FANCC: variants seen among roughly 807,000 people sequenced by gnomAD.
FANCC encodes FA complementation group C.
In FANCC, 55 loss-of-function variants were observed where a neutral mutation model predicts 71.3. That is an observed-to-expected ratio of 0.77 (90% CI 0.62 to 0.97). The LOEUF (loss-of-function observed/expected upper bound fraction) is 0.97. Among genes scored for constraint, FANCC ranks in the 50% least tolerant of loss-of-function variants. FANCC has a pLI of 0.00. For missense variants in FANCC, 678 were observed against 670.9 expected, an observed-to-expected ratio of 1.01 and a Z score of -0.12; for synonymous variants, 275 against 244.9, an observed-to-expected ratio of 1.12 and a Z score of -1.15.
intron 3 of FANCC, among the ~76,000 whole-genome samples, chr9:95,246,518 A>G (rs1395601728): frequency 2.6e-5 from 4 of 152,250 alleles, no homozygotes; most frequent in Admixed American, 2.6e-4. Flanking sequence ...TAAATATTAC[A>G]TTAGCTAATA....
intron 7 of FANCC, among the ~76,000 whole-genome samples, chr9:95,137,908 G>C (rs1008950977): frequency 6.6e-6 from 1 of 152,264 alleles, no homozygotes; most frequent in Non-Finnish European, 1.5e-5. Flanking sequence ...AGAGAGAGGA[G>C]AGGAGTGGAG....
chr9:95,269,063 CTT>C (rs1007527385), intron 1 of FANCC, among the ~76,000 whole-genome samples: 1 of 152,132 alleles, frequency 6.6e-6, no homozygotes, highest in African/African-American at 2.4e-5. Context: ...GGCTGTGTCT[CTT>C]TCTTTTAAAA....
chr9:95,118,746 C>T (rs1779234416), intron 10 of FANCC, among the ~76,000 whole-genome samples: 1 of 152,176 alleles, frequency 6.6e-6, no homozygotes, highest in Admixed American at 6.5e-5. Context: ...GCGAGTAGAT[C>T]ATTCTGTTTT....
chr9:95,267,245 C>T (rs1394698977), intron 1 of FANCC, among the ~76,000 whole-genome samples: 1 of 152,166 alleles, frequency 6.6e-6, no homozygotes, highest in African/African-American at 2.4e-5. Context: ...TAGAGCCCTA[C>T]CCCTCCATGC....
chr9:95,215,994 T>A (rs1828841443), intron 4 of FANCC, among the ~76,000 whole-genome samples: 1 of 152,232 alleles, frequency 6.6e-6, no homozygotes, highest in Non-Finnish European at 1.5e-5. Flanking sequence ...ATTAAAGATT[T>A]AAACCAGCCA....
At chr9:95,111,397 C>T in intron 13 of FANCC, 66 bp downstream of exon 13, 1 of 1,597,424 alleles carries the variant, frequency 6.3e-7, no homozygotes, top group Non-Finnish European at 8.5e-7. Context: ...CAGAGCCCCT[C>T]TCTGCAAGCT....
At chr9:95,163,836 C>T (rs544491277) in intron 6 of FANCC, among the ~76,000 whole-genome samples, 4 of 152,106 alleles carry the variant, frequency 2.6e-5, no homozygotes, top group Middle Eastern at 3.2e-3. Context: ...GCAACAAGAG[C>T]GAAACTCCAT....
chr9:95,173,201 T>C (rs1371940930), intron 4 of FANCC, among the ~76,000 whole-genome samples: 2 of 152,176 alleles, frequency 1.3e-5, no homozygotes, highest in African/African-American at 2.4e-5. Flanking sequence ...CTATGAAACA[T>C]GTACTCTGTG....
rs375771239 is a variant in FANCC, at chr9:95,287,724, C to A, written c.-79+29802G>T. ...TTTAATATGAAATTACATAATTTCC[C>A]AAGTGGAAACCATTCAAATTGCTCT... On this transcript the variant is annotated intron_variant, in intron 1 of 14. Transcript: ENST00000289081. 6.6e-5 allele frequency among the ~76,000 whole-genome samples: 10 copies of A among 152,294 alleles called. No individual in the cohort carries two copies. In the South Asian group the frequency reaches 2.1e-3, roughly 32 times the overall value.
intron 4 of FANCC, among the ~76,000 whole-genome samples, chr9:95,194,157 A>G (rs544787866): frequency 6.6e-6 from 1 of 152,276 alleles, no homozygotes; most frequent in South Asian, 2.1e-4. Flanking sequence ...AACTAGATTA[A>G]TTAAATTTCG....
At chr9:95,140,180 C>G (rs970974893) in intron 7 of FANCC, among the ~76,000 whole-genome samples, 4 of 152,066 alleles carry the variant, frequency 2.6e-5, no homozygotes, top group African/African-American at 9.7e-5. Flanking sequence ...ACTATTTTCT[C>G]CTTTAAAATA....
chr9:95,260,213 C>T (rs979923487), intron 1 of FANCC, among the ~76,000 whole-genome samples: 12 of 152,098 alleles, frequency 7.9e-5, no homozygotes, highest in Non-Finnish European at 5.9e-5. Context: ...TATAAATCAT[C>T]CTGCTATATA....
chr9:95,232,770 G>T (rs1830087733), intron 4 of FANCC, among the ~76,000 whole-genome samples: 1 of 152,152 alleles, frequency 6.6e-6, no homozygotes, highest in African/African-American at 2.4e-5. Flanking sequence ...AATATGACCT[G>T]TTTTCTCTTG....
At chr9:95,251,661 A>G (rs1374397747) in intron 1 of FANCC, among the ~76,000 whole-genome samples, 1 of 152,204 alleles carries the variant, frequency 6.6e-6, no homozygotes, top group African/African-American at 2.4e-5. Flanking sequence ...AAAAAATTTT[A>G]AGGTATTTTT....
intron 1 of FANCC, among the ~76,000 whole-genome samples, chr9:95,291,993 T>TATATATATATATA (rs1834048581): frequency 1.6e-5 from 2 of 124,458 alleles, no homozygotes; most frequent in Non-Finnish European, 3.5e-5. Flanking sequence ...TATATATATA[T>TATATATATATATA]TAAGACCCCA....
chr9:95,249,641 A>C (rs554506094), intron 1 of FANCC, among the ~76,000 whole-genome samples: 1 of 152,338 alleles, frequency 6.6e-6, no homozygotes, highest in South Asian at 2.1e-4. Flanking sequence ...AGCTGATAAT[A>C]CTTTATATCT....
At chr9:95,163,449 CT>C (rs1830869586) in intron 6 of FANCC, among the ~76,000 whole-genome samples, 1 of 152,022 alleles carries the variant, frequency 6.6e-6, no homozygotes, top group Non-Finnish European at 1.5e-5. Context: ...TTAAAGGATT[CT>C]TTTTCTATTT....
chr9:95,312,816 T>C (rs1259022213), intron 1 of FANCC, among the ~76,000 whole-genome samples: 1 of 151,924 alleles, frequency 6.6e-6, no homozygotes, highest in Non-Finnish European at 1.5e-5. Flanking sequence ...TTCCCAGAAA[T>C]GGGATCAAGA....
chr9:95,261,022 T>C (rs1032966065), intron 1 of FANCC, among the ~76,000 whole-genome samples: 1 of 152,180 alleles, frequency 6.6e-6, no homozygotes, highest in Non-Finnish European at 1.5e-5. Context: ...CAAAACCTGC[T>C]GTCTGGACCC....
Sources: allele counts gnomAD v4.1 joint callset (sites outside exome capture counted in the v4.1 genomes callset), GRCh38; gene constraint gnomAD v4.1.1; transcripts MANE v1.5; gene names NCBI Gene and HGNC (gene_info 2026-07-23, HGNC 2026-07-21).